DLG1: variants seen among roughly 807,000 people sequenced by gnomAD.
The protein encoded by DLG1 is disks large homolog 1.
Under a neutral mutation model 123.4 loss-of-function variants are expected in DLG1, and 42 were observed. That is an observed-to-expected ratio of 0.34 (90% CI 0.27 to 0.44). The LOEUF is 0.44. Among genes scored for constraint, DLG1 ranks in the 20% least tolerant of loss-of-function variants. The pLI, the probability that DLG1 is intolerant of heterozygous loss-of-function variation, is 1.00. For missense variants in DLG1, 942 were observed against 1,082.6 expected, an observed-to-expected ratio of 0.87 and a Z score of 1.82; for synonymous variants, 317 against 356.2, an observed-to-expected ratio of 0.89 and a Z score of 1.24.
At chr3:197,287,360 A>G (rs1397151971) in intron 3 of DLG1, among the ~76,000 whole-genome samples, 1 of 152,252 alleles carries the variant, frequency 6.6e-6, no homozygotes, top group Non-Finnish European at 1.5e-5. Flanking sequence ...TTAAAATGTT[A>G]AAGTCTTGAA....
chr3:197,159,018 TAAG>T (rs1378667099), intron 5 of DLG1, among the ~76,000 whole-genome samples: 2 of 152,286 alleles, frequency 1.3e-5, no homozygotes, highest in African/African-American at 2.4e-5. Context: ...ACACTCCCAG[TAAG>T]AAGAACTAGT....
chr3:197,086,291 C>T (rs1214528018), intron 15 of DLG1, among the ~76,000 whole-genome samples: 1 of 152,140 alleles, frequency 6.6e-6, no homozygotes, highest in Non-Finnish European at 1.5e-5. Flanking sequence ...TTACAGATGA[C>T]TTTAACAGCT....
chr3:197,062,313 G>A (rs893813592), intron 22 of DLG1, among the ~76,000 whole-genome samples: 6 of 152,082 alleles, frequency 3.9e-5, no homozygotes, highest in Admixed American at 6.5e-5. Flanking sequence ...ATTGAATACT[G>A]TTCTACAAGT....
chr3:197,225,300 A>C (rs10461050), intron 4 of DLG1, among the ~76,000 whole-genome samples: 30,975 of 152,194 alleles, frequency 0.2, 4,196 homozygotes, highest in East Asian at 0.6. Context: ...ACCATCTTTA[A>C]GGCAAACTAC....
intron 13 of DLG1, among the ~76,000 whole-genome samples, chr3:197,114,726 T>C (rs950478710): frequency 2.6e-5 from 4 of 152,128 alleles, no homozygotes; most frequent in Non-Finnish European, 5.9e-5. Flanking sequence ...CTCACGCCTG[T>C]AGTCCCGGCA....
chr3:197,188,879 A>T (rs1717629627), intron 5 of DLG1, among the ~76,000 whole-genome samples: 1 of 152,186 alleles, frequency 6.6e-6, no homozygotes, highest in Admixed American at 6.5e-5. Flanking sequence ...GTTTTCCTTC[A>T]ATTCCGGTTT....
intron 4 of DLG1, among the ~76,000 whole-genome samples, chr3:197,201,106 G>T (rs146308665): frequency 6.6e-6 from 1 of 152,160 alleles, no homozygotes; most frequent in Non-Finnish European, 1.5e-5. Context: ...TCCACCGGCC[G>T]GGCGCAGTGG....
At chr3:197,177,427 CT>C in intron 5 of DLG1, among the ~76,000 whole-genome samples, 1 of 152,256 alleles carries the variant, frequency 6.6e-6, no homozygotes, top group East Asian at 1.9e-4. Context: ...AAGCACTACA[CT>C]AATGAATATG....
intron 12 of DLG1, among the ~76,000 whole-genome samples, chr3:197,118,287 T>G (rs967787046): frequency 6.6e-6 from 1 of 152,176 alleles, no homozygotes; most frequent in Non-Finnish European, 1.5e-5. Flanking sequence ...TAGGCACTAT[T>G]AGAAAGTAAT....
intron 4 of DLG1, among the ~76,000 whole-genome samples, chr3:197,194,954 C>A (rs1577893530): frequency 6.6e-6 from 1 of 152,026 alleles, no homozygotes; most frequent in African/African-American, 2.4e-5. Context: ...TTAACTTGTA[C>A]ACAAATTTTT....
intron 17 of DLG1, among the ~76,000 whole-genome samples, chr3:197,077,586 C>A (rs1214820139): frequency 6.6e-6 from 1 of 152,204 alleles, no homozygotes; most frequent in Non-Finnish European, 1.5e-5. Flanking sequence ...TTGGTGTCCA[C>A]CAAAGCCACA....
intron 4 of DLG1, among the ~76,000 whole-genome samples, chr3:197,264,708 T>G (rs1048383857): frequency 1.3e-5 from 2 of 152,194 alleles, no homozygotes; most frequent in African/African-American, 4.8e-5. Flanking sequence ...ATTACAAGGG[T>G]GAGCCACTGT....
In DLG1 at chr3:197,282,726, T is replaced by C. The variant is rs1769977538; in HGVS notation, c.271A>G (p.Thr91Ala). 1.9e-6 allele frequency: 3 copies of C among 1,611,684 alleles called. No homozygotes were observed. Among genetic ancestry groups the C allele is most frequent in the South Asian group, 1.1e-5 (1 of 90,582 alleles). The change falls in exon 4 of 25, where the codon ACT becomes GCT. Residue 91 changes from threonine (T) to alanine (A), a missense_variant. Thr to Ala is a moderately conservative substitution (Grantham distance 58). Transcript: ENST00000667157. ...TWEISSLPSS[T>A]VTSETLPSSL... ...CTTGGCAGTGTCTCTGAAGTCACAG[T>C]AGAGCTTGGAAGGCTGGAAATCTCC... is the stretch of plus-strand genomic sequence containing the variant.
chr3:197,196,870 T>C (rs1010740452), intron 4 of DLG1, among the ~76,000 whole-genome samples: 6 of 152,220 alleles, frequency 3.9e-5, no homozygotes, highest in African/African-American at 1.4e-4. Context: ...TAAAATTTTA[T>C]ATAAATGCAC....
In DLG1 at chr3:197,296,419, T is replaced by C. The variant is rs746961578; in HGVS notation, c.78A>G (p.Glu26=). Residue 26 remains glutamate (E), a synonymous_variant, in exon 3 of 25, where the codon GAA becomes GAG. Coordinates refer to ENST00000667157, the MANE Select transcript of DLG1 (RefSeq NM_001366207.1). Reference sequence around the variant, plus strand: ...CTATGGAACTTCTGAGCTGTCTGTCTTCAGTTTGGCTTAGTTTTGAACGAT... The same window carrying C: ...CTATGGAACTTCTGAGCTGTCTGTCCTCAGTTTGGCTTAGTTTTGAACGAT... ...EEYRSKLSQT[E]DRQLRSSIER... is the part of the protein sequence containing the mutation. The C allele has an allele frequency of 6.2e-7, 1 of 1,613,586 alleles. No homozygotes were observed. Among genetic ancestry groups the C allele is most frequent in the South Asian group, 1.1e-5 (1 of 91,070 alleles).
At chr3:197,117,790 T>C (rs564884234) in intron 12 of DLG1, among the ~76,000 whole-genome samples, 6 of 152,312 alleles carry the variant, frequency 3.9e-5, no homozygotes, top group Non-Finnish European at 8.8e-5. Context: ...TACTGAATTG[T>C]ACACTTAAAA....
chr3:197,268,459 G>A (rs111365439), intron 4 of DLG1, among the ~76,000 whole-genome samples: 53 of 151,616 alleles, frequency 3.5e-4, no homozygotes, highest in Admixed American at 5.3e-4. Flanking sequence ...TTGATCCGTC[G>A]CCCAGGCTGG....
At chr3:197,172,875 T>C (rs886760048) in intron 5 of DLG1, among the ~76,000 whole-genome samples, 2 of 152,210 alleles carry the variant, frequency 1.3e-5, no homozygotes, top group Admixed American at 1.3e-4. Flanking sequence ...GTCAAGCATA[T>C]TTGCTTAAAA....
intron 4 of DLG1, among the ~76,000 whole-genome samples, chr3:197,206,432 T>C (rs955379878): frequency 6.6e-6 from 1 of 152,188 alleles, no homozygotes; most frequent in African/African-American, 2.4e-5. Flanking sequence ...CCCAAGTAGC[T>C]GGGACCACAG....
Sources: gnomAD v4.1 joint callset for allele counts (sites outside exome capture counted in the v4.1 genomes callset) on GRCh38, gnomAD v4.1.1 for gene constraint, MANE v1.5 for transcripts, NCBI Gene and HGNC (gene_info 2026-07-23, HGNC 2026-07-21) for gene names.